The following WNT9A variants were observed in gnomAD, a reference collection of about 807,000 sequenced individuals.
The protein encoded by WNT9A is protein Wnt-9a.
Under a neutral mutation model 31.4 loss-of-function variants are expected in WNT9A, and 8 were observed. The observed-to-expected ratio is 0.26, with a 90% CI of 0.15 to 0.46. WNT9A has a LOEUF of 0.46. Ranked by LOEUF, WNT9A falls within the 20% of genes least tolerant of loss-of-function variation. The pLI is 0.99. For synonymous variants in WNT9A, 236 were observed against 220.1 expected (o/e 1.07, Z -0.64); for missense variants, 457 against 522.9 (o/e 0.87, Z 1.23).
chr1:227,944,787 C>T (rs1404030040), intron 1 of WNT9A, among the ~76,000 whole-genome samples: 2 of 152,206 alleles, frequency 1.3e-5, no homozygotes, highest in Admixed American at 6.5e-5. Flanking sequence ...ATCGTGCCCC[C>T]GCAAAGTAAC....
chr1:227,940,303 G>A (rs984588284), intron 1 of WNT9A, among the ~76,000 whole-genome samples: 4 of 152,160 alleles, frequency 2.6e-5, no homozygotes, highest in African/African-American at 9.7e-5. Flanking sequence ...AGGACCCCCC[G>A]GGGGAAAGGT....
Position 227,925,129 on chromosome 1 carries a change from G to C in WNT9A, c.352+134C>G. 7.4e-7 allele frequency: 1 copy of C among 1,346,314 alleles called. No individual in the cohort carries two copies. The highest frequency in any genetic ancestry group is 1.5e-5 in the African/African-American group (1 of 66,768). 83.4% of individuals were successfully genotyped at this position (1,346,314 alleles called of 1,614,324 possible). Reference sequence around the variant, plus strand: ...CCGGGGCTGCCCTTTCCAGGGCCTAGGCCCAGGAGCTCTGGGCAGGCTGGG... The same window carrying C: ...CCGGGGCTGCCCTTTCCAGGGCCTACGCCCAGGAGCTCTGGGCAGGCTGGG... On this transcript the variant is annotated intron_variant, in intron 2 of 3. Coordinates refer to ENST00000272164, the MANE Select transcript of WNT9A (RefSeq NM_003395.4). The surrounding 1 kb of genome is among the most constrained non-coding windows in gnomAD (Gnocchi z 6.0).
intron 1 of WNT9A, among the ~76,000 whole-genome samples, chr1:227,933,889 C>T (rs373794565): frequency 6.6e-6 from 1 of 152,188 alleles, no homozygotes; most frequent in East Asian, 1.9e-4. Context: ...AGCCCTGATC[C>T]GCTTTCTGTC....
intron 1 of WNT9A, among the ~76,000 whole-genome samples, chr1:227,941,973 G>A (rs1666715705): frequency 6.6e-6 from 1 of 151,988 alleles, no homozygotes; most frequent in South Asian, 2.1e-4. Flanking sequence ...CCTGCCCCAG[G>A]GTCCAGAGCC....
rs1336467686 is a variant in WNT9A at position 227,942,380 on chromosome 1, G to A, written c.95+5413C>T. Among the ~76,000 whole-genome samples the A allele has an allele frequency of 6.6e-6, 1 of 152,248 alleles. No homozygotes were observed. Among genetic ancestry groups the A allele is most frequent in the East Asian group, 1.9e-4 (1 of 5,148 alleles). The stretch of plus-strand genomic sequence containing the variant: ...GGAAGGAGGAAGGCCACCAGCGCCT[G>A]CAGGGGCCATCAGGCTGACACTCCA... On this transcript the variant is annotated intron_variant, in intron 1 of 3. Transcript: ENST00000272164. The surrounding 1 kb of genome is among the most constrained non-coding windows in gnomAD (Gnocchi z 5.7).
intron 1 of WNT9A, among the ~76,000 whole-genome samples, chr1:227,927,859 G>A (rs2102720896): frequency 6.6e-6 from 1 of 152,266 alleles, no homozygotes; most frequent in South Asian, 2.1e-4. Flanking sequence ...ACCCAACTGT[G>A]GGTGTGGACA....
rs1666452499 is a variant in WNT9A at position 227,928,234 on chromosome 1, T to C, written c.96-2715A>G. 6.6e-6 allele frequency among the ~76,000 whole-genome samples: 1 copy of C among 151,570 alleles called. No homozygotes were observed. The highest frequency in any genetic ancestry group is 1.5e-5 in the Non-Finnish European group (1 of 67,850). The stretch of plus-strand genomic sequence containing the variant: ...GCAAGTGTGGCTACACCTGGAGACT[T>C]GCCGGGCAGCTGCCCTCCCCTCTGG... On this transcript the variant is annotated intron_variant, in intron 1 of 3. Coordinates refer to ENST00000272164, the MANE Select transcript of WNT9A (RefSeq NM_003395.4). The surrounding 1 kb of genome is among the most constrained non-coding windows in gnomAD (Gnocchi z 4.5).
In WNT9A at chr1:227,921,412, C is replaced by G. The variant is rs187623500; in HGVS notation, c.*106G>C. 6.6e-7 allele frequency: 1 copy of G among 1,508,546 alleles called. No individual in the cohort carries two copies. The highest frequency in any genetic ancestry group is 1.4e-5 in the African/African-American group (1 of 72,226). 93.4% of individuals were successfully genotyped at this position (1,508,546 alleles called of 1,614,324 possible). ...CTGTGTGCAATGCCTGTACCCCACG[C>G]AGCTGGGCTGGTCGAGCCCAGGAAC... On this transcript the variant is annotated 3_prime_UTR_variant, in exon 4 of 4. Coordinates refer to ENST00000272164, the MANE Select transcript of WNT9A (RefSeq NM_003395.4).
chr1:227,924,062 T>TCCCCCCC, intron 3 of WNT9A, 76 bp downstream of exon 3: 5 of 234,960 alleles, frequency 2.1e-5, no homozygotes, highest in East Asian at 1.5e-4. Context: ...CCGCCCCCAG[T>TCCCCCCC]CCCACGCCCC....
intron 1 of WNT9A, among the ~76,000 whole-genome samples, chr1:227,932,000 C>T (rs6668168): frequency 3.9e-5 from 6 of 151,932 alleles, no homozygotes; most frequent in Non-Finnish European, 8.8e-5. Flanking sequence ...GGATTACAGG[C>T]GTGAGCCATC....
intron 3 of WNT9A, among the ~76,000 whole-genome samples, chr1:227,922,213 G>C (rs912702531): frequency 7.2e-5 from 11 of 152,210 alleles, no homozygotes; most frequent in African/African-American, 2.7e-4. Flanking sequence ...GCCCAAGACA[G>C]AGGCTCCAGG....
At chr1:227,924,085 C>CCCCACCCCCT in intron 3 of WNT9A, 53 bp downstream of exon 3, 1 of 1,063,498 alleles carries the variant, frequency 9.4e-7, no homozygotes, top group Non-Finnish European at 1.3e-6. Context: ...CCCCAACCCC[C>CCCCACCCCCT]TGACGCTCTT....
chr1:227,944,870 G>T (rs1234520347), intron 1 of WNT9A, among the ~76,000 whole-genome samples: 2 of 152,220 alleles, frequency 1.3e-5, no homozygotes, highest in African/African-American at 4.8e-5. Context: ...CTTTAAAAAA[G>T]AACTCCAGTG....
Position 227,925,160 on chromosome 1 carries a change from C to A in WNT9A, c.352+103G>T. 3 of 1,410,510 alleles carry A rather than the reference C, an allele frequency of 2.1e-6. No homozygotes were observed. In the South Asian group the frequency reaches 4.6e-5, roughly 21 times the overall value. The allele number at this position is 1,410,510 out of a possible 1,614,324, so 87.4% of individuals were successfully genotyped here. On this transcript the variant is annotated intron_variant, in intron 2 of 3. Coordinates refer to ENST00000272164, the MANE Select transcript of WNT9A (RefSeq NM_003395.4). The surrounding 1 kb of genome is among the most constrained non-coding windows in gnomAD (Gnocchi z 6.0). ...GGAGCTCTGGGCAGGCTGGGCCCGG[C>A]GTCCCCAGGAGCGCAGCCTAAGAGG...
rs1666304688 is a variant in WNT9A, at chr1:227,921,129, TGC to T, written c.*387_*388del. ...ACCTTCTCACACCATGTGCAATGCC[TGC>T]ACTCTGAGCAGCAGGGCTGACTGGG... On this transcript the variant is annotated 3_prime_UTR_variant, in exon 4 of 4. Coordinates refer to ENST00000272164, the MANE Select transcript of WNT9A (RefSeq NM_003395.4). 1 of 242,186 alleles carries T rather than the reference TGC, an allele frequency of 4.1e-6. No individual in the cohort carries two copies. The highest frequency in any genetic ancestry group is 2.2e-5 in the African/African-American group (1 of 44,682). 15.0% of individuals were successfully genotyped at this position (242,186 alleles called of 1,614,324 possible).
intron 3 of WNT9A, among the ~76,000 whole-genome samples, chr1:227,923,224 C>T (rs1291124788): frequency 6.6e-6 from 1 of 151,970 alleles, no homozygotes; most frequent in East Asian, 1.9e-4. Flanking sequence ...GGGCTCACAG[C>T]AGGGCCGGCT....
In WNT9A at chr1:227,921,766, G is replaced by T. The variant is rs377260476; in HGVS notation, c.850C>A (p.Pro284Thr). The T allele has an allele frequency of 1.3e-4, 207 of 1,612,332 alleles. No individual in the cohort carries two copies. In the Middle Eastern group the frequency reaches 1.8e-3, roughly 14 times the overall value. Residue 284 changes from proline to threonine, a missense_variant, in exon 4 of 4, where the codon CCC becomes ACC. Physicochemically the swap from Pro to Thr is conservative, Grantham distance 38. Coordinates refer to ENST00000272164, the MANE Select transcript of WNT9A (RefSeq NM_003395.4). Reference sequence around the variant, plus strand: ...AGGTGCACCAGCTCTGGAGTGCGGGGCAGCGGGTCGCTGCCACCTGCCCCC... The same window carrying T: ...AGGTGCACCAGCTCTGGAGTGCGGGTCAGCGGGTCGCTGCCACCTGCCCCC... ...ASGAGGSDPLPRTPELVHLDD... is the reference protein window; with the variant it reads ...ASGAGGSDPLTRTPELVHLDD...
intron 1 of WNT9A, among the ~76,000 whole-genome samples, chr1:227,927,872 G>C (rs573537280): frequency 1.2e-4 from 19 of 152,220 alleles, no homozygotes; most frequent in African/African-American, 4.6e-4. Context: ...TGTGGACAGG[G>C]GACAGGGGGA....
rs1666726157 is a variant in WNT9A, at chr1:227,942,641, C to G, written c.95+5152G>C. Among the ~76,000 whole-genome samples, 1 of 152,162 alleles carries G rather than the reference C, an allele frequency of 6.6e-6. No homozygotes were observed. Among genetic ancestry groups the G allele is most frequent in the Admixed American group, 6.5e-5 (1 of 15,284 alleles). On this transcript the variant is annotated intron_variant, in intron 1 of 3. Coordinates refer to ENST00000272164, the MANE Select transcript of WNT9A (RefSeq NM_003395.4). The surrounding 1 kb of genome is among the most constrained non-coding windows in gnomAD (Gnocchi z 5.7). Reference sequence around the variant, plus strand: ...ACTTCCACGATCTCTCGAAACAAGGCAGCTCCCTGGCCCCTTTCCTCCCTG... The same window carrying G: ...ACTTCCACGATCTCTCGAAACAAGGGAGCTCCCTGGCCCCTTTCCTCCCTG...
Sources: gnomAD v4.1 joint callset for allele counts (sites outside exome capture counted in the v4.1 genomes callset) on GRCh38, gnomAD v4.1.1 for gene constraint, Gnocchi (gnomAD v3.1) non-coding constraint, MANE v1.5 for transcripts, NCBI Gene and HGNC (gene_info 2026-07-23, HGNC 2026-07-21) for gene names.